The following MUC5B variants were observed in gnomAD, a reference collection of about 807,000 sequenced individuals.
MUC5B encodes the protein mucin 5B, oligomeric mucus/gel-forming, also known as mucin-5B.
MUC5B carries 116 observed loss-of-function variants against 376.9 expected under a neutral mutation model. The observed-to-expected ratio is 0.31, with a 90% confidence interval of 0.26 to 0.36. The LOEUF (loss-of-function observed/expected upper bound fraction) is 0.36. MUC5B is among the 10% of genes least tolerant of loss of function. MUC5B has a pLI of 1.00. For synonymous variants in MUC5B, 3,517 were observed against 3,390.9 expected, an observed-to-expected ratio of 1.04 and a Z score of -1.29; for missense variants, 7,165 against 7,769.9, an observed-to-expected ratio of 0.92 and a Z score of 2.93.
chr11:1,235,565 T>C (rs1862138683), intron 23 of MUC5B, 152 bp downstream of exon 23: 2 of 676,050 alleles, frequency 3.0e-6, no homozygotes, highest in Middle Eastern at 2.5e-4. Context: ...CCAGGGGGCT[T>C]AGACAACAGA....
In MUC5B at chr11:1,244,674, C is replaced by G. The variant is rs1490425537; in HGVS notation, c.7794C>G (p.Ser2598=). 6.2e-7 allele frequency: 1 copy of G among 1,612,028 alleles called. No individual in the cohort carries two copies. The highest frequency in any genetic ancestry group is 8.5e-7 in the Non-Finnish European group (1 of 1,178,378). The stretch of plus-strand genomic sequence containing the variant: ...CCGGCTCTGTGGCCACCCCCTCCTC[C>G]ACCCCAGGAACAGCTCACACTACCA... The part of the protein sequence containing the change: ...GATGSVATPS[S]TPGTAHTTKV... The change falls in exon 31 of 49, where the codon TCC becomes TCG. Residue 2598 remains serine (S), a synonymous_variant. Transcript: ENST00000529681.
chr11:1,230,907 G>C, intron 12 of MUC5B, 29 bp from the exon 13 acceptor site: 1 of 1,563,886 alleles, frequency 6.4e-7, no homozygotes, highest in Non-Finnish European at 8.7e-7. Flanking sequence ...CCTCCCCAGA[G>C]CTGACCTCCC....
rs187795830 is a variant in MUC5B, at chr11:1,229,429, G to A, written c.1102+134G>A. ...CCACCAGAGGGCCCAGGGTGGGAAG[G>A]GCACTGGCTGGGAGGGTGCCGGAAG... On this transcript the variant is annotated intron_variant, in intron 9 of 48. Coordinates refer to ENST00000529681, the MANE Select transcript of MUC5B (RefSeq NM_002458.3). 221 of 1,139,286 alleles carry A rather than the reference G, an allele frequency of 1.9e-4. No individual in the cohort carries two copies. The African/African-American group carries it at 2.8e-3, about 15-fold the overall frequency. The allele number at this position is 1,139,286 out of a possible 1,614,324, so 70.6% of individuals were successfully genotyped here.
Position 1,226,262 on chromosome 11 carries a change from T to A in MUC5B, c.185T>A (p.Phe62Tyr), listed in dbSNP as rs1861879427. ...RVSFVPPVTV[F>Y]PSLSPLNPAH... ...AGCTTTGTTCCACCCGTCACTGTCT[T>A]CCCCAGCCTGAGCCGTAAGCAGATG... Residue 62 changes from phenylalanine to tyrosine, a missense_variant, in exon 3 of 49, where the codon TTC becomes TAC. Transcript: ENST00000529681. 1.3e-6 allele frequency: 2 copies of A among 1,555,934 alleles called. No homozygotes were observed. The highest frequency in any genetic ancestry group is 2.4e-5 in the East Asian group (1 of 41,124).
rs1862517981 is a variant in MUC5B, at chr11:1,247,382, C to T, written c.10502C>T (p.Thr3501Ile). ...CACACCCCAGCAGCAACCACCAGTA[C>T]CACCCAGCACTCGACTCCAGCCCTG... ...TSHTPAATTS[T>I]TQHSTPALSS... The change falls in exon 31 of 49, where the codon ACC (threonine) becomes ATC (isoleucine). Residue 3501 changes from threonine to isoleucine, a missense_variant. Physicochemically the swap from Thr to Ile is moderately conservative, Grantham distance 89 (BLOSUM62 -1). Transcript: ENST00000529681. 6.2e-7 allele frequency: 1 copy of T among 1,610,208 alleles called. No homozygotes were observed. The highest frequency in any genetic ancestry group is 8.5e-7 in the Non-Finnish European group (1 of 1,179,034).
At position 1,245,384 on chromosome 11, in the gene MUC5B, C is replaced by G. The variant is rs187571909; in HGVS notation, c.8504C>G (p.Ala2835Gly). ...PGTTTPGHTRATSRTTATATP... is the reference protein window; with the variant it reads ...PGTTTPGHTRGTSRTTATATP... ...ACGACCACCCCGGGCCACACCAGGG[C>G]CACCTCCAGGACCACGGCCACGGCC... is the stretch of plus-strand genomic sequence containing the variant. The change falls in exon 31 of 49, where the codon GCC becomes GGC. Residue 2835 changes from alanine to glycine, a missense_variant. This residue lies in a region of MUC5B where 50 missense variants were observed against 66.4 expected (regional missense o/e 0.75). Coordinates refer to ENST00000529681, the MANE Select transcript of MUC5B (RefSeq NM_002458.3). The G allele has an allele frequency of 4.6e-3, 7,264 of 1,562,374 alleles. 786 individuals are homozygous for G. The African/African-American group carries it at 0.088, about 19-fold the overall frequency.
In MUC5B at chr11:1,249,767, C is replaced by T. The variant is rs551550431; in HGVS notation, c.12887C>T (p.Ala4296Val). 6 of 1,613,110 alleles carry T rather than the reference C, an allele frequency of 3.7e-6. No homozygotes were observed. The highest frequency in any genetic ancestry group is 1.7e-5 in the Admixed American group (1 of 59,982). Residue 4296 changes from alanine (A) to valine (V), a missense_variant, in exon 31 of 49, where the codon GCC (alanine) becomes GTC (valine). By Grantham distance (64) the Ala-to-Val change is moderately conservative (BLOSUM62 0). Transcript: ENST00000529681. Reference protein sequence around the residue: ...ATTPTATSSKATSSSSPRTAT... With the variant: ...ATTPTATSSKVTSSSSPRTAT... Reference sequence around the variant, plus strand: ...ACACCCACAGCCACCAGTTCCAAAGCCACTTCCTCCTCCAGTCCAAGGACT... The same window carrying T: ...ACACCCACAGCCACCAGTTCCAAAGTCACTTCCTCCTCCAGTCCAAGGACT...
At chr11:1,254,048 G>A in intron 33 of MUC5B, 44 bp from the exon 34 acceptor site, 1 of 1,586,604 alleles carries the variant, frequency 6.3e-7, no homozygotes, top group Non-Finnish European at 8.6e-7. Flanking sequence ...GGGAGCGAGG[G>A]CACCACCACG....
At chr11:1,252,690 C>G in intron 32 of MUC5B, 119 bp from the exon 33 acceptor site, 1 of 1,416,920 alleles carries the variant, frequency 7.1e-7, no homozygotes, top group Admixed American at 2.2e-5. Context: ...GCATGGGGGC[C>G]GCCCTCCTCA....
Position 1,236,999 on chromosome 11 carries a change from G to A in MUC5B, c.3132G>A (p.Val1044=), listed in dbSNP as rs763856759. ...ACTTTGCCACGCGTAGCCGGTCCGT[G>A]GTGGGGGACGCACTGGAGTTTGGGA... is the stretch of plus-strand genomic sequence containing the variant. ...INDFATRSRS[V]VGDALEFGNS... The change falls in exon 25 of 49, where the codon GTG becomes GTA. Residue 1044 remains valine (V), a synonymous_variant. Transcript: ENST00000529681. 1.9e-6 allele frequency: 3 copies of A among 1,573,550 alleles called. No homozygotes were observed. The highest frequency in any genetic ancestry group is 2.7e-5 in the African/African-American group (2 of 73,600).
At chr11:1,259,147 C>A (rs1234953093) in intron 44 of MUC5B, 86 bp downstream of exon 44, 1 of 1,318,326 alleles carries the variant, frequency 7.6e-7, no homozygotes, top group East Asian at 2.5e-5. Context: ...CCAGGTGAGA[C>A]CTGAGTCACC....
In MUC5B at chr11:1,242,493, C is replaced by T; in HGVS notation, c.5613C>T (p.Asn1871=). ...DQTGRFNMCF[N]YNVRVLCCDD... The stretch of plus-strand genomic sequence containing the variant: ...CAGGCAGGTTCAACATGTGCTTCAA[C>T]TACAACGTGCGTGTGCTTTGCTGTG... The change falls in exon 31 of 49, where the codon AAC becomes AAT. Residue 1871 remains asparagine, a synonymous_variant. Coordinates refer to ENST00000529681, the MANE Select transcript of MUC5B (RefSeq NM_002458.3). 2 of 1,613,786 alleles carry T rather than the reference C, an allele frequency of 1.2e-6. No individual in the cohort carries two copies. Among genetic ancestry groups the T allele is most frequent in the African/African-American group, 2.7e-5 (2 of 74,956 alleles).
chr11:1,240,347 C>T lies in MUC5B; in HGVS notation c.3942C>T (p.Thr1314=). Residue 1314 remains threonine (T), a synonymous_variant, in exon 30 of 49, where the codon ACC becomes ACT. Transcript: ENST00000529681. Reference sequence around the variant, plus strand: ...CAGCCACAACGCCATTCACCTTCACCACCGCCTGGGTCCCCCACTCCACGA... The same window carrying T: ...CAGCCACAACGCCATTCACCTTCACTACCGCCTGGGTCCCCCACTCCACGA... ...GTPATTPFTF[T]TAWVPHSTTS... 2.5e-6 allele frequency: 4 copies of T among 1,605,784 alleles called. No individual in the cohort carries two copies. Among genetic ancestry groups the T allele is most frequent in the Non-Finnish European group, 3.4e-6 (4 of 1,174,014 alleles).
Position 1,246,315 on chromosome 11 carries a change from T to C in MUC5B, c.9435T>C (p.Thr3145=), listed in dbSNP as rs1590182564. 6 of 1,596,450 alleles carry C rather than the reference T, an allele frequency of 3.8e-6. No homozygotes were observed. Among genetic ancestry groups the C allele is most frequent in the East Asian group, 2.3e-5 (1 of 43,616 alleles). Residue 3145 remains threonine, a synonymous_variant, in exon 31 of 49, where the codon ACT becomes ACC. Transcript: ENST00000529681. ...LTELTTAATT[T]AATGPTATPS... ...AGCTGACCACAGCAGCCACTACAACTGCAGCCACTGGCCCCACGGCCACCC... is the reference window on the plus strand; with the variant it reads ...AGCTGACCACAGCAGCCACTACAACCGCAGCCACTGGCCCCACGGCCACCC...
chr11:1,261,491 C>A lies in MUC5B; in HGVS notation c.17172C>A (p.Ala5724=). Residue 5724 remains alanine, a synonymous_variant, in exon 49 of 49, where the codon GCC becomes GCA. Transcript: ENST00000529681. The part of the protein sequence containing the change: ...TVPLHCPNGS[A]ILHTYTHVDE... ...CCTTGCACTGTCCTAACGGCTCAGCCATCCTGCACACCTACACCCACGTGG... is the reference window on the plus strand; with the variant it reads ...CCTTGCACTGTCCTAACGGCTCAGCAATCCTGCACACCTACACCCACGTGG... 6.3e-7 allele frequency: 1 copy of A among 1,591,182 alleles called. No individual in the cohort carries two copies. The highest frequency in any genetic ancestry group is 8.5e-7 in the Non-Finnish European group (1 of 1,170,080).
chr11:1,223,872 C>T (rs1861816662), intron 1 of MUC5B, among the ~76,000 whole-genome samples: 3 of 152,252 alleles, frequency 2.0e-5, no homozygotes. Flanking sequence ...GGGAGACACC[C>T]AGCCGGGCTG....
At position 1,246,834 on chromosome 11, in the gene MUC5B, C is replaced by T. The variant is rs200948102; in HGVS notation, c.9954C>T (p.Ala3318=). The part of the protein sequence containing the change: ...VPTTTTTGFT[A]TPSSSPGTAL... ...CTACCACAACCACGGGCTTCACAGC[C>T]ACCCCCTCCTCCAGCCCAGGGACGG... Residue 3318 remains alanine, a synonymous_variant, in exon 31 of 49, where the codon GCC becomes GCT. Transcript: ENST00000529681. The T allele has an allele frequency of 0.31, 490,049 of 1,597,310 alleles. 76,034 individuals are homozygous for T. Among genetic ancestry groups the T allele is most frequent in the East Asian group, 0.56 (24,572 of 43,718 alleles).
rs1208225229 is a variant in MUC5B at position 1,253,311 on chromosome 11, G to A, written c.15217+331G>A. ...GACACAGCCCAAGGGAGAGGCAGCA[G>A]AGGCTGGTTTGCTGAGCTTCTCTGC... On this transcript the variant is annotated intron_variant, in intron 33 of 48. Transcript: ENST00000529681. The surrounding 1 kb of genome is among the most constrained non-coding windows in gnomAD (Gnocchi z 4.3). 6.6e-6 allele frequency among the ~76,000 whole-genome samples: 1 copy of A among 152,184 alleles called. No homozygotes were observed. The highest frequency in any genetic ancestry group is 1.9e-4 in the East Asian group (1 of 5,196).
rs1863013731 is a variant in MUC5B, at chr11:1,262,132, A to G, written c.*524A>G. On this transcript the variant is annotated 3_prime_UTR_variant, in exon 49 of 49. Transcript: ENST00000529681. ...CAGCATCCCAAAGCCCCCTCTGCTC[A>G]ACCCAGCCCAGTTTTGCAAATAAAC... The G allele has an allele frequency of 4.0e-6, 2 of 501,468 alleles. No individual in the cohort carries two copies. Among genetic ancestry groups the G allele is most frequent in the Non-Finnish European group, 8.3e-6 (2 of 240,838 alleles). 31.1% of individuals were successfully genotyped at this position (501,468 alleles called of 1,614,324 possible).
Sources: gnomAD v4.1 joint callset for allele counts (sites outside exome capture counted in the v4.1 genomes callset) on GRCh38, gnomAD v4.1.1 for gene constraint, gnomAD v4.1.1 regional missense constraint, Gnocchi (gnomAD v3.1) non-coding constraint, MANE v1.5 for transcripts, NCBI Gene and HGNC (gene_info 2026-07-23, HGNC 2026-07-21) for gene names.